The following CDH5 variants were observed in gnomAD, a reference collection of about 807,000 sequenced individuals.
CDH5 encodes the protein cadherin 5.
Under a neutral mutation model 62.0 loss-of-function variants are expected in CDH5, and 28 were observed. The ratio of observed to expected loss-of-function variants is 0.45; its 90% CI spans 0.33 to 0.62. CDH5 has a LOEUF of 0.62. Among genes scored for constraint, CDH5 ranks in the 20% least tolerant of loss-of-function variants. The probability of loss-of-function intolerance (pLI) is 0.02; values close to 1 mark genes in which losing one functional copy is unlikely to be tolerated. For missense variants in CDH5, 940 were observed against 1,065.1 expected (o/e 0.88, Z 1.63); for synonymous variants, 464 against 445.8 (o/e 1.04, Z -0.52).
At chr16:66,389,310 A>G in intron 4 of CDH5, 48 bp from the exon 5 acceptor site, 1 of 1,573,544 alleles carries the variant, frequency 6.4e-7, no homozygotes, top group Non-Finnish European at 8.7e-7. Context: ...AGGCATCGGT[A>G]TTTTCTAGAA....
intron 8 of CDH5, 28 bp from the exon 9 acceptor site, chr16:66,397,954 A>G (rs1304924764): frequency 2.5e-5 from 41 of 1,613,948 alleles, no homozygotes; most frequent in Non-Finnish European, 3.4e-5. Context: ...AGCTGAGCCC[A>G]TAATGGTGAC....
chr16:66,395,054 TTTTTTTTTTG>T (rs1961155036), intron 7 of CDH5, among the ~76,000 whole-genome samples: 1 of 101,086 alleles, frequency 9.9e-6, no homozygotes, highest in Non-Finnish European at 1.9e-5. Context: ...TTTTTTTTTT[TTTTTTTTTTG>T]GTGAGACAGG....
At chr16:66,377,438 G>A (rs1960806252) in intron 1 of CDH5, 1 of 152,308 alleles carries the variant, frequency 6.6e-6, no homozygotes, top group Non-Finnish European at 1.5e-5. Context: ...AGAAGGCAGG[G>A]GCCGTCGATA....
At chr16:66,402,266 C>T (rs905140376) in intron 11 of CDH5, among the ~76,000 whole-genome samples, 6 of 151,230 alleles carry the variant, frequency 4.0e-5, no homozygotes, top group Non-Finnish European at 7.4e-5. Flanking sequence ...CAAGGTCTAC[C>T]CCTCCTTAGG....
chr16:66,370,529 G>A (rs962899009), intron 1 of CDH5, among the ~76,000 whole-genome samples: 4 of 152,170 alleles, frequency 2.6e-5, no homozygotes, highest in African/African-American at 9.7e-5. Context: ...GGGAAGGAGT[G>A]GGTGACAAGA....
chr16:66,367,146 T>C (rs1361439676), intron 1 of CDH5, among the ~76,000 whole-genome samples: 1 of 152,242 alleles, frequency 6.6e-6, no homozygotes, highest in African/African-American at 2.4e-5. Context: ...CCTCGGTGCC[T>C]TACCCTTACT....
In CDH5 at chr16:66,397,976, C is replaced by G; in HGVS notation, c.1361-6C>G. ...CCCATAATGGTGACAGTCTTCTCCC[C>G]TGCAGGAACCCCCACAGGAAAAGAA... On this transcript the variant is annotated splice_polypyrimidine_tract_variant and splice_region_variant and intron_variant, in intron 8 of 11. Transcript: ENST00000341529. 6.2e-7 allele frequency: 1 copy of G among 1,614,158 alleles called. No individual in the cohort carries two copies. Among genetic ancestry groups the G allele is most frequent in the Non-Finnish European group, 8.5e-7 (1 of 1,180,010 alleles).
chr16:66,399,505 G>A (rs1282023167), intron 10 of CDH5, among the ~76,000 whole-genome samples: 1 of 152,212 alleles, frequency 6.6e-6, no homozygotes, highest in African/African-American at 2.4e-5. Context: ...AAAGTTGGAG[G>A]CAGACTTGAG....
intron 10 of CDH5, 31 bp downstream of exon 10, chr16:66,398,592 C>A: frequency 1.8e-6 from 2 of 1,129,652 alleles, no homozygotes; most frequent in Non-Finnish European, 2.7e-6. Flanking sequence ...TTCAGCTGGG[C>A]GTGATGACCC....
chr16:66,371,932 T>C (rs921522522), intron 1 of CDH5, among the ~76,000 whole-genome samples: 1 of 149,614 alleles, frequency 6.7e-6, no homozygotes, highest in African/African-American at 2.4e-5. Context: ...CGCCCTTCCC[T>C]TCCCTTCCTC....
intron 8 of CDH5, 95 bp from the exon 9 acceptor site, chr16:66,397,887 T>C (rs1961213114): frequency 4.9e-6 from 7 of 1,425,626 alleles, no homozygotes; most frequent in Non-Finnish European, 6.9e-6. Flanking sequence ...CTGCAAAAAG[T>C]GGCCTCCATA....
At chr16:66,376,029 T>G (rs1960780053) in intron 1 of CDH5, among the ~76,000 whole-genome samples, 1 of 152,104 alleles carries the variant, frequency 6.6e-6, no homozygotes, top group Admixed American at 6.5e-5. Context: ...GAGAATGACT[T>G]GAACCTGGGA....
In CDH5 at chr16:66,398,578, T is replaced by A. The variant is rs771560286; in HGVS notation, c.1591+17T>A. 4.6e-5 allele frequency: 61 copies of A among 1,317,882 alleles called. No homozygotes were observed. The highest frequency in any genetic ancestry group is 6.4e-5 in the Non-Finnish European group (58 of 910,334). The allele number at this position is 1,317,882 out of a possible 1,614,324, so 81.6% of individuals were successfully genotyped here. A position where few individuals can be genotyped will look rare whatever the true frequency, so the allele number is the denominator to read the frequency against. On this transcript the variant is annotated intron_variant, in intron 10 of 11. Coordinates refer to ENST00000341529, the MANE Select transcript of CDH5 (RefSeq NM_001795.5). Reference sequence around the variant, plus strand: ...ATAATCACGGTAGGCATCAAAGTAATCAGTTCAGCTGGGCGTGATGACCCA... The same window carrying A: ...ATAATCACGGTAGGCATCAAAGTAAACAGTTCAGCTGGGCGTGATGACCCA...
intron 10 of CDH5, among the ~76,000 whole-genome samples, chr16:66,399,290 C>T (rs1280638806): frequency 6.6e-6 from 1 of 152,154 alleles, no homozygotes; most frequent in Non-Finnish European, 1.5e-5. Context: ...TCATTCCAGC[C>T]ACAAGTAGGC....
At chr16:66,369,133 G>T (rs1341600902) in intron 1 of CDH5, among the ~76,000 whole-genome samples, 1 of 152,148 alleles carries the variant, frequency 6.6e-6, no homozygotes, top group Non-Finnish European at 1.5e-5. Flanking sequence ...CAGGTTGTCT[G>T]CCTTGGACCA....
intron 1 of CDH5, among the ~76,000 whole-genome samples, chr16:66,370,359 T>A (rs1358365685): frequency 8.5e-5 from 13 of 152,094 alleles, no homozygotes; most frequent in Non-Finnish European, 5.9e-5. Flanking sequence ...CTATCGGTGG[T>A]CTTTTGGGCA....
At chr16:66,382,010 A>G (rs747606327) in intron 2 of CDH5, among the ~76,000 whole-genome samples, 5 of 152,238 alleles carry the variant, frequency 3.3e-5, no homozygotes, top group Non-Finnish European at 5.9e-5. Context: ...GTAGAGAAAC[A>G]GGCTGGAGAG....
chr16:66,380,496 G>A (rs1406168439), intron 2 of CDH5, among the ~76,000 whole-genome samples: 1 of 151,470 alleles, frequency 6.6e-6, no homozygotes, highest in Non-Finnish European at 1.5e-5. Flanking sequence ...TGATCACGAT[G>A]ATGGCGGTGA....
At chr16:66,377,070 G>A (rs899884387) in intron 1 of CDH5, 37 of 152,242 alleles carry the variant, frequency 2.4e-4, no homozygotes, top group Admixed American at 2.4e-3. Flanking sequence ...GAGGCAGGAA[G>A]AAAGAATCAA....
Sources: gnomAD v4.1 joint callset for allele counts (sites outside exome capture counted in the v4.1 genomes callset) on GRCh38, gnomAD v4.1.1 for gene constraint, MANE v1.5 for transcripts, NCBI Gene and HGNC (gene_info 2026-07-23, HGNC 2026-07-21) for gene names.